MED13L: variants seen among roughly 807,000 people sequenced by gnomAD.
MED13L encodes mediator complex subunit 13L, also known as mediator of RNA polymerase II transcription subunit 13-like.
In MED13L, 7 loss-of-function variants were observed where a neutral mutation model predicts 220.9. That is an observed-to-expected ratio of 0.03 (90% CI 0.02 to 0.06). The LOEUF is 0.06. Among genes scored for constraint, MED13L ranks in the 10% least tolerant of loss-of-function variants. The pLI is 1.00. For synonymous variants in MED13L, 1,011 were observed against 1,015.2 expected (o/e 1.00, Z 0.08); for missense variants, 1,965 against 2,760.5 (o/e 0.71, Z 6.46).
chr12:116,033,105 T>A (rs1223671205), intron 4 of MED13L, among the ~76,000 whole-genome samples: 1 of 152,142 alleles, frequency 6.6e-6, no homozygotes, highest in East Asian at 1.9e-4. Flanking sequence ...AAAAACACAT[T>A]CAAGAATATA....
intron 2 of MED13L, among the ~76,000 whole-genome samples, chr12:116,144,903 G>A (rs1877353165): frequency 6.6e-6 from 1 of 152,152 alleles, no homozygotes; most frequent in African/African-American, 2.4e-5. Context: ...GCACTTCACT[G>A]CATCACTTGT....
At chr12:116,101,014 G>A (rs1026076700) in intron 3 of MED13L, among the ~76,000 whole-genome samples, 1 of 152,106 alleles carries the variant, frequency 6.6e-6, no homozygotes. Context: ...AATTACACAG[G>A]GCTGGTCAAC....
chr12:116,182,358 T>C (rs1473203891), intron 2 of MED13L, among the ~76,000 whole-genome samples: 1 of 152,168 alleles, frequency 6.6e-6, no homozygotes, highest in African/African-American at 2.4e-5. Context: ...TTCTTAGGCA[T>C]TCCCCACAAA....
At chr12:116,129,621 A>G (rs1352395914) in intron 2 of MED13L, among the ~76,000 whole-genome samples, 1 of 152,094 alleles carries the variant, frequency 6.6e-6, no homozygotes, top group African/African-American at 2.4e-5. Context: ...AGAAATGATC[A>G]GCACAGGCCG....
rs769826419 is a variant in MED13L, at chr12:115,975,268, C to T, written c.5634G>A (p.Lys1878=). 2 of 1,614,112 alleles carry T rather than the reference C, an allele frequency of 1.2e-6. No individual in the cohort carries two copies. Among genetic ancestry groups the T allele is most frequent in the Non-Finnish European group, 1.7e-6 (2 of 1,179,986 alleles). The change falls in exon 25 of 31, where the codon AAG becomes AAA. Residue 1878 remains lysine (K), a synonymous_variant. Transcript: ENST00000281928. ...KVSARKIGLQ[K]LWEWCIGIVQ... ...CAATCCCTATGCACCACTCCCATAA[C>T]TTCTGTAGTCCAATTTTACGTGCAG...
Position 115,982,471 on chromosome 12 carries a change from C to T in MED13L, c.5088G>A (p.Gly1696=). The T allele has an allele frequency of 6.2e-7, 1 of 1,614,114 alleles. No homozygotes were observed. The highest frequency in any genetic ancestry group is 8.5e-7 in the Non-Finnish European group (1 of 1,179,994). ...TYAAEEDSTS[G]NFWLLSLMRC... Reference sequence around the variant, plus strand: ...GCATCAAGCTCAACAGCCAAAAGTTCCCAGAAGTGGAGTCCTCCTCTGCAG... The same window carrying T: ...GCATCAAGCTCAACAGCCAAAAGTTTCCAGAAGTGGAGTCCTCCTCTGCAG... Residue 1696 remains glycine, a synonymous_variant, in exon 22 of 31, where the codon GGG becomes GGA. Coordinates refer to ENST00000281928, the MANE Select transcript of MED13L (RefSeq NM_015335.5).
intron 1 of MED13L, among the ~76,000 whole-genome samples, chr12:116,239,541 ATAT>A (rs1870421371): frequency 6.6e-6 from 1 of 152,326 alleles, no homozygotes; most frequent in Middle Eastern, 3.4e-3. Context: ...TCTTTGCATA[ATAT>A]TCTATTCATT....
chr12:116,008,389 G>C lies in MED13L; in HGVS notation c.2012+12C>G, dbSNP rs1310519317. Reference sequence around the variant, plus strand: ...CCGGTGGACGGGTGGGTGGTGCAGAGAGCTGTCTTACCTTTGCAATGCAGT... The same window carrying C: ...CCGGTGGACGGGTGGGTGGTGCAGACAGCTGTCTTACCTTTGCAATGCAGT... On this transcript the variant is annotated intron_variant, in intron 10 of 30. Transcript: ENST00000281928. 3.7e-6 allele frequency: 6 copies of C among 1,601,368 alleles called. No homozygotes were observed. The highest frequency in any genetic ancestry group is 2.2e-4 in the Middle Eastern group (1 of 4,456).
At chr12:115,998,532 T>A (rs1169329298) in intron 14 of MED13L, among the ~76,000 whole-genome samples, 1 of 152,192 alleles carries the variant, frequency 6.6e-6, no homozygotes, top group Non-Finnish European at 1.5e-5. Flanking sequence ...GGTTCCTTCA[T>A]CTAACAGGGA....
intron 1 of MED13L, among the ~76,000 whole-genome samples, chr12:116,253,753 G>GTTTTTTTTTTTTTTTTTT (rs746923184): frequency 2.6e-5 from 2 of 76,492 alleles, no homozygotes; most frequent in Non-Finnish European, 5.0e-5. Flanking sequence ...GGTTTTTTTT[G>GTTTTTTTTTTTTTTTTTT]TTTTTTTTTT....
chr12:116,015,426 A>G, intron 7 of MED13L, 152 bp from the exon 8 acceptor site: 1 of 789,802 alleles, frequency 1.3e-6, no homozygotes, highest in Non-Finnish European at 2.1e-6. Flanking sequence ...ACTATCTATA[A>G]TCATGAGTAA....
intron 14 of MED13L, among the ~76,000 whole-genome samples, chr12:116,001,741 T>A (rs1181250728): frequency 6.6e-6 from 1 of 152,256 alleles, no homozygotes. Flanking sequence ...GTGCTACATT[T>A]CATATTGATT....
intron 2 of MED13L, among the ~76,000 whole-genome samples, chr12:116,162,673 C>A (rs762448885): frequency 2.4e-4 from 37 of 152,144 alleles, no homozygotes; most frequent in Non-Finnish European, 4.4e-5. Context: ...AAAATTACTT[C>A]AGAAACAATA....
chr12:116,039,243 T>C (rs2137535042), intron 4 of MED13L, among the ~76,000 whole-genome samples: 2 of 152,368 alleles, frequency 1.3e-5, no homozygotes, highest in Middle Eastern at 6.8e-3. Flanking sequence ...GCTTGGCATC[T>C]TCTTTAAAGG....
chr12:116,175,628 G>A (rs528471688), intron 2 of MED13L, among the ~76,000 whole-genome samples: 7 of 152,180 alleles, frequency 4.6e-5, no homozygotes, highest in African/African-American at 1.7e-4. Context: ...AGACAGAAAA[G>A]GCTAAAAACA....
intron 2 of MED13L, among the ~76,000 whole-genome samples, chr12:116,232,824 C>T (rs890216001): frequency 2.6e-5 from 4 of 152,270 alleles, no homozygotes; most frequent in East Asian, 1.9e-4. Flanking sequence ...CAGTGGCTCA[C>T]GCCTGTAATC....
chr12:116,240,164 G>A (rs1026627156), intron 1 of MED13L, among the ~76,000 whole-genome samples: 2 of 151,610 alleles, frequency 1.3e-5, no homozygotes, highest in African/African-American at 4.9e-5. Context: ...CCAGGTTGGA[G>A]TGCAGCAGTG....
intron 2 of MED13L, among the ~76,000 whole-genome samples, chr12:116,212,476 T>C (rs1882757926): frequency 6.6e-6 from 1 of 152,244 alleles, no homozygotes; most frequent in Non-Finnish European, 1.5e-5. Flanking sequence ...TATTTTCAGC[T>C]GAGTATACTA....
At chr12:116,225,548 C>T (rs536648908) in intron 2 of MED13L, among the ~76,000 whole-genome samples, 2 of 152,262 alleles carry the variant, frequency 1.3e-5, no homozygotes, top group South Asian at 2.1e-4. Flanking sequence ...GCAACCTTTT[C>T]GTTATAAATA....
Sources: allele counts gnomAD v4.1 joint callset (sites outside exome capture counted in the v4.1 genomes callset), GRCh38; gene constraint gnomAD v4.1.1; transcripts MANE v1.5; gene names NCBI Gene and HGNC (gene_info 2026-07-23, HGNC 2026-07-21).